The following WWC1 variants were observed in gnomAD, a reference collection of about 807,000 sequenced individuals.
WWC1 encodes WW and C2 domain containing 1, also known as protein KIBRA.
WWC1 carries 55 observed loss-of-function variants against 138.4 expected under a neutral mutation model. The ratio of observed to expected loss-of-function variants is 0.40; its 90% CI spans 0.32 to 0.50. WWC1 has a LOEUF of 0.50. WWC1 is among the 20% of genes least tolerant of loss of function. The pLI, the probability that WWC1 is intolerant of heterozygous loss-of-function variation, is 0.72. For missense variants in WWC1, 1,226 were observed against 1,420.4 expected (o/e 0.86, Z 2.20); for synonymous variants, 524 against 564.9 (o/e 0.93, Z 1.03).
intron 17 of WWC1, among the ~76,000 whole-genome samples, chr5:168,445,538 A>G (rs1755172982): frequency 6.6e-6 from 1 of 151,244 alleles, no homozygotes. Flanking sequence ...CATTTCTACT[A>G]AAAAATACAA....
intron 1 of WWC1, among the ~76,000 whole-genome samples, chr5:168,310,675 A>T (rs1770991587): frequency 6.6e-6 from 1 of 151,930 alleles, no homozygotes; most frequent in African/African-American, 2.4e-5. Context: ...GTCTGCACAA[A>T]AAATAAAAGA....
At chr5:168,424,987 A>G (rs1781392909) in intron 11 of WWC1, among the ~76,000 whole-genome samples, 1 of 152,250 alleles carries the variant, frequency 6.6e-6, no homozygotes, top group Non-Finnish European at 1.5e-5. Context: ...CAACCACATA[A>G]TAAATCATAA....
intron 1 of WWC1, among the ~76,000 whole-genome samples, chr5:168,316,012 C>T (rs1043884041): frequency 6.6e-6 from 1 of 152,162 alleles, no homozygotes; most frequent in Non-Finnish European, 1.5e-5. Context: ...AACAGTTTTC[C>T]AGTCCCAGGG....
chr5:168,409,531 G>A (rs1161067064), intron 7 of WWC1, among the ~76,000 whole-genome samples: 2 of 152,156 alleles, frequency 1.3e-5, no homozygotes, highest in East Asian at 3.8e-4. Context: ...CAGCCTCTGA[G>A]TTTTCTATGG....
chr5:168,338,902 G>A (rs1773735126), intron 1 of WWC1, among the ~76,000 whole-genome samples: 1 of 152,082 alleles, frequency 6.6e-6, no homozygotes, highest in Admixed American at 6.6e-5. Flanking sequence ...ACATTCTAGT[G>A]TTCTATAGCA....
intron 3 of WWC1, among the ~76,000 whole-genome samples, chr5:168,388,191 A>G (rs748020142): frequency 2.4e-4 from 37 of 152,330 alleles, no homozygotes; most frequent in South Asian, 1.0e-3. Context: ...TAAAGATATC[A>G]TGAAGGATCC....
rs188376306 is a variant in WWC1 at position 168,450,870 on chromosome 5, A to G, written c.2526-3098A>G. Among the ~76,000 whole-genome samples, 437 of 152,322 alleles carry G rather than the reference A, an allele frequency of 2.9e-3. 2 individuals are homozygous for G. The highest frequency in any genetic ancestry group is 9.6e-3 in the African/African-American group (401 of 41,566). Reference sequence around the variant, plus strand: ...ATAATCAAAAACTTATGATCTTCGGAAGACACCACTGAGAAAATGAAAAGG... The same window carrying G: ...ATAATCAAAAACTTATGATCTTCGGGAGACACCACTGAGAAAATGAAAAGG... On this transcript the variant is annotated intron_variant, in intron 17 of 22. Transcript: ENST00000265293.
chr5:168,398,784 G>A (rs564394597), intron 4 of WWC1, among the ~76,000 whole-genome samples: 3 of 152,162 alleles, frequency 2.0e-5, no homozygotes, highest in Middle Eastern at 3.2e-3. Context: ...TGTGTAACCA[G>A]GAGAGGTCTG....
intron 19 of WWC1, among the ~76,000 whole-genome samples, chr5:168,456,708 T>TTG (rs1756357814): frequency 6.6e-6 from 1 of 151,724 alleles, no homozygotes; most frequent in Non-Finnish European, 1.5e-5. Flanking sequence ...ATTTTTTTTT[T>TTG]TTTTGTAAAA....
chr5:168,446,232 TAA>T (rs60746695), intron 17 of WWC1, among the ~76,000 whole-genome samples: 6,296 of 58,196 alleles, frequency 0.11, 206 homozygotes, highest in African/African-American at 0.18. Flanking sequence ...CTCCCATTAT[TAA>T]AAAAAAAAAA....
At chr5:168,359,923 G>C (rs1343896679) in intron 1 of WWC1, among the ~76,000 whole-genome samples, 3 of 152,152 alleles carry the variant, frequency 2.0e-5, no homozygotes, top group South Asian at 2.1e-4. Flanking sequence ...CTCAAAGCTT[G>C]GCAATTCTGT....
intron 19 of WWC1, among the ~76,000 whole-genome samples, chr5:168,456,425 G>C (rs545705420): frequency 6.6e-6 from 1 of 152,308 alleles, no homozygotes; most frequent in South Asian, 2.1e-4. Context: ...TTGAGGCCAG[G>C]AGTTCGAGAC....
In WWC1 at chr5:168,291,924, G is replaced by C. The variant is rs1769081202; in HGVS notation, c.-229G>C. 3 of 247,596 alleles carry C rather than the reference G, an allele frequency of 1.2e-5. No homozygotes were observed. Among genetic ancestry groups the C allele is most frequent in the Non-Finnish European group, 2.2e-5 (3 of 135,184 alleles). The allele number at this position is 247,596 out of a possible 1,614,324, so 15.3% of individuals were successfully genotyped here. On this transcript the variant is annotated 5_prime_UTR_variant, in exon 1 of 23. Coordinates refer to ENST00000265293, the MANE Select transcript of WWC1 (RefSeq NM_015238.3). ...CGCCGCTGCGGACGCACATGGCAGC[G>C]TGAGAGGCCGGCGGCGGGAGGAGCG...
intron 1 of WWC1, among the ~76,000 whole-genome samples, chr5:168,364,206 T>C (rs1470248706): frequency 6.6e-6 from 1 of 152,002 alleles, no homozygotes; most frequent in Non-Finnish European, 1.5e-5. Flanking sequence ...CTGGAAGAGG[T>C]GGAGCCTGGG....
At chr5:168,427,703 C>G (rs909408435) in intron 11 of WWC1, among the ~76,000 whole-genome samples, 7 of 151,424 alleles carry the variant, frequency 4.6e-5, no homozygotes, top group African/African-American at 1.7e-4. Context: ...CCTGTAATCC[C>G]AACACTTTGG....
Position 168,313,027 on chromosome 5 carries a change from C to T in WWC1, c.119+20756C>T, listed in dbSNP as rs528693326. Among the ~76,000 whole-genome samples the T allele has an allele frequency of 6.7e-4, 101 of 151,778 alleles. 3 individuals carry two copies. In the South Asian group the frequency reaches 0.017, roughly 25 times the overall value. On this transcript the variant is annotated intron_variant, in intron 1 of 22. Transcript: ENST00000265293. Reference sequence around the variant, plus strand: ...TTCGTCATGTTTGCCAGGCTGGTCTCGAAGTCCTGACCTCAAGTGATTCAC... The same window carrying T: ...TTCGTCATGTTTGCCAGGCTGGTCTTGAAGTCCTGACCTCAAGTGATTCAC...
At chr5:168,368,090 C>CTTTTT (rs59582303) in intron 1 of WWC1, among the ~76,000 whole-genome samples, 1 of 129,700 alleles carries the variant, frequency 7.7e-6, no homozygotes, top group Non-Finnish European at 1.6e-5. Context: ...AACACTTCAT[C>CTTTTT]TTTTTTTTTT....
chr5:168,367,558 A>G (rs12657426), intron 1 of WWC1, among the ~76,000 whole-genome samples: 15,475 of 149,188 alleles, frequency 0.1, 1,525 homozygotes, highest in African/African-American at 0.25. Context: ...TGACCTCGTG[A>G]TCCGCCCGCC....
intron 8 of WWC1, chr5:168,410,200 A>G: frequency 1.8e-6 from 1 of 554,194 alleles, no homozygotes; most frequent in Non-Finnish European, 3.2e-6. Context: ...CACAAGACAG[A>G]GAGTGAAACT....
Sources: gnomAD v4.1 joint callset for allele counts (sites outside exome capture counted in the v4.1 genomes callset) on GRCh38, gnomAD v4.1.1 for gene constraint, MANE v1.5 for transcripts, NCBI Gene and HGNC (gene_info 2026-07-23, HGNC 2026-07-21) for gene names.